CEP128: variants seen among roughly 807,000 people sequenced by gnomAD.
CEP128 encodes the protein centrosomal protein 128kDa.
A neutral mutation model predicts 156.7 loss-of-function variants in CEP128; 132 were observed. The ratio of observed to expected loss-of-function variants is 0.84; its 90% confidence interval spans 0.73 to 0.97. The LOEUF is 0.97. Ranked by LOEUF, CEP128 falls within the 50% of genes least tolerant of loss-of-function variation. The pLI is 0.00. For synonymous variants in CEP128, 469 were observed against 448.9 expected (o/e 1.04, Z -0.57); for missense variants, 1,252 against 1,281.9 (o/e 0.98, Z 0.36).
intron 16 of CEP128, among the ~76,000 whole-genome samples, chr14:80,772,967 C>A (rs1305505575): frequency 1.3e-5 from 2 of 152,132 alleles, no homozygotes; most frequent in Non-Finnish European, 2.9e-5. Context: ...TCAAGGCTAG[C>A]TAACTAAAGG....
chr14:80,872,265 A>T (rs1161027073), intron 8 of CEP128, among the ~76,000 whole-genome samples: 1 of 152,184 alleles, frequency 6.6e-6, no homozygotes, highest in Non-Finnish European at 1.5e-5. Context: ...TGCAATATTG[A>T]TTGCGTATCA....
At chr14:80,537,969 G>A (rs997910590) in intron 21 of CEP128, among the ~76,000 whole-genome samples, 16 of 152,080 alleles carry the variant, frequency 1.1e-4, no homozygotes, top group Non-Finnish European at 1.5e-4. Context: ...CTAAGCTTCC[G>A]TATCTTATTT....
intron 19 of CEP128, among the ~76,000 whole-genome samples, chr14:80,646,078 A>G (rs1286856338): frequency 1.3e-5 from 2 of 152,196 alleles, no homozygotes; most frequent in Non-Finnish European, 1.5e-5. Flanking sequence ...TAGAGCTCAC[A>G]GGATTTTTAG....
At chr14:80,891,337 ATGTGG>A (rs2139373338) in intron 8 of CEP128, among the ~76,000 whole-genome samples, 1 of 152,206 alleles carries the variant, frequency 6.6e-6, no homozygotes, top group East Asian at 1.9e-4. Context: ...AATAAAGAAA[ATGTGG>A]TGTTTATACA....
At chr14:80,821,414 G>A (rs1355306030) in intron 13 of CEP128, among the ~76,000 whole-genome samples, 1 of 152,054 alleles carries the variant, frequency 6.6e-6, no homozygotes, top group African/African-American at 2.4e-5. Context: ...ACTTACTCAA[G>A]GAACATTACC....
At chr14:80,671,708 A>T (rs115043125) in intron 19 of CEP128, among the ~76,000 whole-genome samples, 3,163 of 152,274 alleles carry the variant, frequency 0.021, 120 homozygotes, top group African/African-American at 0.072. Context: ...TCTTTTTGCA[A>T]GCTGGGTAAA....
downstream of CEP128, among the ~76,000 whole-genome samples, chr14:80,487,852 G>C (rs1391156823): frequency 2.6e-5 from 4 of 152,118 alleles, no homozygotes; most frequent in East Asian, 5.9e-4. Context: ...CAACATACCA[G>C]AATCTCTGGG....
chr14:80,500,597 TA>T (rs1318026106), intron 24 of CEP128, among the ~76,000 whole-genome samples: 2 of 152,202 alleles, frequency 1.3e-5, no homozygotes, highest in Non-Finnish European at 2.9e-5. Flanking sequence ...ACCAAAGGGT[TA>T]CATAGAAAAA....
intron 19 of CEP128, among the ~76,000 whole-genome samples, chr14:80,597,396 C>T (rs2140513086): frequency 6.6e-6 from 1 of 152,110 alleles, no homozygotes; most frequent in South Asian, 2.1e-4. Flanking sequence ...ATTTAAATAG[C>T]CTTGTAACTA....
At chr14:80,785,660 T>C in intron 14 of CEP128, 115 bp from the exon 15 acceptor site, 1 of 737,378 alleles carries the variant, frequency 1.4e-6, no homozygotes, top group Non-Finnish European at 2.1e-6. Context: ...AAAAAATTCA[T>C]CAAATAATTT....
At chr14:80,627,905 G>A (rs1211092180) in intron 19 of CEP128, among the ~76,000 whole-genome samples, 1 of 152,048 alleles carries the variant, frequency 6.6e-6, no homozygotes, top group Non-Finnish European at 1.5e-5. Context: ...ACCAGAGATT[G>A]TATTCTAATT....
intron 21 of CEP128, among the ~76,000 whole-genome samples, chr14:80,553,513 T>C (rs1007113800): frequency 6.6e-6 from 1 of 152,226 alleles, no homozygotes; most frequent in Non-Finnish European, 1.5e-5. Context: ...GACTTATATA[T>C]TCCTTTGCCA....
chr14:80,497,561 G>C lies in CEP128; in HGVS notation c.3203C>G (p.Ala1068Gly). 6.2e-7 allele frequency: 1 copy of C among 1,612,698 alleles called. No individual in the cohort carries two copies. Among genetic ancestry groups the C allele is most frequent in the Admixed American group, 1.7e-5 (1 of 59,958 alleles). Residue 1068 changes from alanine (A) to glycine (G), a missense_variant, in exon 25 of 25, where the codon GCT becomes GGT. Coordinates refer to ENST00000555265, the MANE Select transcript of CEP128 (RefSeq NM_152446.5). ...TTCCTTGTTTGAAGCTGAATCTGGAGCAACAGTTCTTTTGGTAAATGCTGG... is the reference window on the plus strand; with the variant it reads ...TTCCTTGTTTGAAGCTGAATCTGGACCAACAGTTCTTTTGGTAAATGCTGG... ...YVNSFTKRTV[A>G]PDSASNKEDA...
intron 6 of CEP128, among the ~76,000 whole-genome samples, chr14:80,903,907 C>G (rs556746796): frequency 6.6e-6 from 1 of 152,008 alleles, no homozygotes; most frequent in African/African-American, 2.4e-5. Flanking sequence ...TAAACTAGTA[C>G]AGCCATTATG....
At chr14:80,557,455 T>C (rs1385764782) in intron 21 of CEP128, among the ~76,000 whole-genome samples, 1 of 152,230 alleles carries the variant, frequency 6.6e-6, no homozygotes, top group East Asian at 1.9e-4. Context: ...AAGCGGCATT[T>C]TGTACACCAA....
rs146284615 is a variant in CEP128, at chr14:80,575,405, C to T, written c.2856+4969G>A. Among the ~76,000 whole-genome samples the T allele has an allele frequency of 7.2e-3, 1,084 of 151,264 alleles. 10 individuals are homozygous for T. The highest frequency in any genetic ancestry group is 0.024 in the Middle Eastern group (7 of 294). The stretch of plus-strand genomic sequence containing the variant: ...TATTGCCACATCATGACTTTTTTTT[C>T]GATTTTTCATTATATTTAGCAGCTG... On this transcript the variant is annotated intron_variant, in intron 20 of 24. Transcript: ENST00000555265.
chr14:80,690,619 T>C (rs1487850247), intron 19 of CEP128, among the ~76,000 whole-genome samples: 1 of 152,136 alleles, frequency 6.6e-6, no homozygotes, highest in African/African-American at 2.4e-5. Context: ...ATATATTTCT[T>C]TTCATATGTA....
intron 22 of CEP128, among the ~76,000 whole-genome samples, chr14:80,528,144 C>T (rs1306723111): frequency 6.6e-6 from 1 of 152,080 alleles, no homozygotes; most frequent in Non-Finnish European, 1.5e-5. Context: ...AAACAAAAAC[C>T]TCTAAAAAAC....
At chr14:80,768,934 T>C (rs369444654) in intron 16 of CEP128, among the ~76,000 whole-genome samples, 88 of 152,304 alleles carry the variant, frequency 5.8e-4, no homozygotes, top group African/African-American at 1.9e-3. Flanking sequence ...ATATTCAAAG[T>C]TGAAATAACA....
Sources: allele counts gnomAD v4.1 joint callset (sites outside exome capture counted in the v4.1 genomes callset), GRCh38; gene constraint gnomAD v4.1.1; transcripts MANE v1.5; gene names NCBI Gene and HGNC (gene_info 2026-07-23, HGNC 2026-07-21).